The following TMEM132B variants were observed in gnomAD, a reference collection of about 807,000 sequenced individuals.
The protein encoded by TMEM132B is transmembrane protein 132B.
TMEM132B carries 18 observed loss-of-function variants against 90.8 expected under a neutral mutation model. The observed-to-expected ratio is 0.20, with a 90% CI of 0.14 to 0.29. TMEM132B has a LOEUF of 0.29. Among genes scored for constraint, TMEM132B ranks in the 10% least tolerant of loss-of-function variants. TMEM132B has a pLI of 1.00. For missense variants in TMEM132B, 1,096 were observed against 1,326.8 expected (o/e 0.83, Z 2.70); for synonymous variants, 504 against 523.3 (o/e 0.96, Z 0.50).
chr12:125,621,647 A>G (rs1338775511), intron 5 of TMEM132B, among the ~76,000 whole-genome samples: 6 of 152,178 alleles, frequency 3.9e-5, no homozygotes, highest in Non-Finnish European at 8.8e-5. Flanking sequence ...TCTCAAGCAG[A>G]ACTCCCTTGA....
intron 1 of TMEM132B, among the ~76,000 whole-genome samples, chr12:125,291,004 C>T (rs1344897344): frequency 6.8e-6 from 1 of 147,988 alleles, no homozygotes; most frequent in African/African-American, 2.5e-5. Flanking sequence ...CTCCATACCA[C>T]TTAATCCTTC....
chr12:125,657,192 G>A lies in TMEM132B; in HGVS notation c.*2482G>A, dbSNP rs1358508657. On this transcript the variant is annotated 3_prime_UTR_variant, in exon 9 of 9. Transcript: ENST00000682704. The stretch of plus-strand genomic sequence containing the variant: ...ACTTAGAGTCACTGGGAGTCACACA[G>A]CTCCTGTGTAGCCGCCTTTGCTCCT... 1 of 152,174 alleles carries A rather than the reference G, an allele frequency of 6.6e-6. No homozygotes were observed. The highest frequency in any genetic ancestry group is 2.4e-5 in the African/African-American group (1 of 41,430). The allele number at this position is 152,174 out of a possible 1,614,324, so 9.4% of individuals were successfully genotyped here.
chr12:125,309,061 TC>T (rs1413652724), intron 1 of TMEM132B, among the ~76,000 whole-genome samples: 2 of 152,242 alleles, frequency 1.3e-5, no homozygotes, highest in African/African-American at 4.8e-5. Context: ...TGTGTAATAT[TC>T]CATCATGTCA....
chr12:125,359,717 A>G (rs1877900344), intron 2 of TMEM132B, among the ~76,000 whole-genome samples: 1 of 152,264 alleles, frequency 6.6e-6, no homozygotes, highest in South Asian at 2.1e-4. Context: ...GGTCATTTCT[A>G]CTTGCCAGCA....
chr12:125,415,480 A>G lies in TMEM132B; in HGVS notation c.960-51A>G. The stretch of plus-strand genomic sequence containing the variant: ...CGTGCCATCTTTTACTACCTGTTTC[A>G]AACTAAAATGGTTTTATTATATATA... On this transcript the variant is annotated intron_variant, in intron 2 of 8. Coordinates refer to ENST00000682704, the MANE Select transcript of TMEM132B (RefSeq NM_001366854.1). The surrounding 1 kb of genome is among the most constrained non-coding windows in gnomAD (Gnocchi z 5.3). 6.3e-7 allele frequency: 1 copy of G among 1,596,034 alleles called. No individual in the cohort carries two copies. The highest frequency in any genetic ancestry group is 8.5e-7 in the Non-Finnish European group (1 of 1,170,188).
In TMEM132B at chr12:125,606,531, GTGTA is replaced by G. The variant is rs1388073910; in HGVS notation, c.1437+22540_1437+22543del. Among the ~76,000 whole-genome samples the G allele has an allele frequency of 5.9e-5, 9 of 152,354 alleles. 1 individual carries two copies. Among genetic ancestry groups the G allele is most frequent in the African/African-American group, 2.2e-4 (9 of 41,588 alleles). ...TGTGCATGTGTGCCAGCACATGTGA[GTGTA>G]TGCATGTTTGTATGTGTGCTTATAT... On this transcript the variant is annotated intron_variant, in intron 5 of 8. Transcript: ENST00000682704.
intron 1 of TMEM132B, among the ~76,000 whole-genome samples, chr12:125,313,791 A>G (rs566656934): frequency 7.3e-6 from 1 of 136,924 alleles, no homozygotes; most frequent in South Asian, 2.5e-4. Flanking sequence ...AGGGGATGCT[A>G]TGCTCAGAAG....
rs551238678 is a variant in TMEM132B at position 125,460,177 on chromosome 12, A to G, written c.1106+44500A>G. 2.5e-4 allele frequency among the ~76,000 whole-genome samples: 38 copies of G among 152,312 alleles called. No individual in the cohort carries two copies. The highest frequency in any genetic ancestry group is 3.5e-4 in the Non-Finnish European group (24 of 68,032). Reference sequence around the variant, plus strand: ...CCATAAACACATATACCCACTATGTACCCACAAAAGTTAACATAAAAAAAT... The same window carrying G: ...CCATAAACACATATACCCACTATGTGCCCACAAAAGTTAACATAAAAAAAT... On this transcript the variant is annotated intron_variant, in intron 3 of 8. Coordinates refer to ENST00000682704, the MANE Select transcript of TMEM132B (RefSeq NM_001366854.1). The surrounding 1 kb of genome is among the most constrained non-coding windows in gnomAD (Gnocchi z 4.4).
At chr12:125,188,825 A>G (rs945850796) in intron 1 of TMEM132B, among the ~76,000 whole-genome samples, 1 of 129,282 alleles carries the variant, frequency 7.7e-6, no homozygotes, top group African/African-American at 3.0e-5. Flanking sequence ...TGATAACTCT[A>G]TATTTAGCAC....
At chr12:125,309,814 A>G (rs1876080028) in intron 1 of TMEM132B, among the ~76,000 whole-genome samples, 1 of 152,168 alleles carries the variant, frequency 6.6e-6, no homozygotes, top group Non-Finnish European at 1.5e-5. Context: ...GAACAATGGC[A>G]TTTATTTTGC....
At chr12:125,513,255 A>G (rs950056506) in intron 3 of TMEM132B, among the ~76,000 whole-genome samples, 2 of 152,180 alleles carry the variant, frequency 1.3e-5, no homozygotes, top group Non-Finnish European at 2.9e-5. Context: ...AGCATCTCCT[A>G]TGTCCCAGAC....
At chr12:125,192,801 G>C (rs1872828588) in intron 1 of TMEM132B, among the ~76,000 whole-genome samples, 1 of 152,254 alleles carries the variant, frequency 6.6e-6, no homozygotes, top group South Asian at 2.1e-4. Flanking sequence ...TACAAATTCA[G>C]AGATGTCAGT....
intron 4 of TMEM132B, among the ~76,000 whole-genome samples, chr12:125,567,190 C>T (rs907197752): frequency 2.6e-5 from 4 of 152,114 alleles, no homozygotes; most frequent in Non-Finnish European, 5.9e-5. Context: ...GGCTGACTTG[C>T]TAGTTCTCAT....
At chr12:125,504,487 C>T (rs1405562) in intron 3 of TMEM132B, among the ~76,000 whole-genome samples, 53,944 of 151,710 alleles carry the variant, frequency 0.36, 10,034 homozygotes, top group Non-Finnish European at 0.41. Flanking sequence ...TTTTAGAGAA[C>T]GCTGGTTGTC....
chr12:125,647,872 A>C (rs1365183148), intron 6 of TMEM132B, among the ~76,000 whole-genome samples: 1 of 151,808 alleles, frequency 6.6e-6, no homozygotes. Context: ...GATAGACAGA[A>C]AAACATACTT....
intron 1 of TMEM132B, among the ~76,000 whole-genome samples, chr12:125,322,260 A>G (rs1020254023): frequency 5.3e-5 from 8 of 151,846 alleles, no homozygotes; most frequent in African/African-American, 1.9e-4. Flanking sequence ...CCCTGCACAC[A>G]CTCTCTTGCC....
intron 4 of TMEM132B, among the ~76,000 whole-genome samples, chr12:125,558,503 T>C (rs1475816780): frequency 4.6e-5 from 7 of 152,210 alleles, no homozygotes; most frequent in South Asian, 2.1e-4. Context: ...GGTGAATTCC[T>C]TAAATTTAGA....
chr12:125,360,004 G>A (rs1877909340), intron 2 of TMEM132B, among the ~76,000 whole-genome samples: 1 of 152,210 alleles, frequency 6.6e-6, no homozygotes, highest in Non-Finnish European at 1.5e-5. Context: ...CTTGAACCCA[G>A]GAGGTGGAGG....
At chr12:125,288,877 G>A (rs911579918) in intron 1 of TMEM132B, among the ~76,000 whole-genome samples, 2 of 152,110 alleles carry the variant, frequency 1.3e-5, no homozygotes, top group African/African-American at 2.4e-5. Flanking sequence ...GTGCTGGGTG[G>A]GAGTTTTCTT....
Sources: gnomAD v4.1 joint callset for allele counts (sites outside exome capture counted in the v4.1 genomes callset) on GRCh38, gnomAD v4.1.1 for gene constraint, Gnocchi (gnomAD v3.1) non-coding constraint, MANE v1.5 for transcripts, NCBI Gene and HGNC (gene_info 2026-07-23, HGNC 2026-07-21) for gene names.